The following PPP4R4 variants were observed in gnomAD, a reference collection of about 807,000 sequenced individuals.
PPP4R4 encodes protein phosphatase 4 regulatory subunit 4, also known as serine/threonine-protein phosphatase 4 regulatory subunit 4.
Under a neutral mutation model 121.8 loss-of-function variants are expected in PPP4R4, and 70 were observed. The ratio of observed to expected loss-of-function variants is 0.57; its 90% CI spans 0.47 to 0.70. The LOEUF (loss-of-function observed/expected upper bound fraction) is 0.70. Ranked by LOEUF, PPP4R4 falls within the 30% of genes least tolerant of loss-of-function variation. The pLI is 0.00. For synonymous variants in PPP4R4, 348 were observed against 355.7 expected (o/e 0.98, Z 0.24); for missense variants, 875 against 1,033.6 (o/e 0.85, Z 2.10).
At position 94,242,542 on chromosome 14, in the gene PPP4R4, A is replaced by C. The variant is rs567746382; in HGVS notation, c.1266+134A>C. The C allele has an allele frequency of 4.4e-6, 4 of 905,538 alleles. No individual in the cohort carries two copies. In the East Asian group the frequency reaches 8.3e-5, roughly 19 times the overall value. The allele number at this position is 905,538 out of a possible 1,614,324, so 56.1% of individuals were successfully genotyped here. ...ATGTTCTAGTCTTAAATCTTGTTTA[A>C]AAATTTCCTTAATTTTCTTCTTTTT... On this transcript the variant is annotated intron_variant, in intron 11 of 24. Coordinates refer to ENST00000304338, the MANE Select transcript of PPP4R4 (RefSeq NM_058237.2).
chr14:94,227,530 C>G (rs1469565615), intron 3 of PPP4R4: 5 of 1,324,658 alleles, frequency 3.8e-6, no homozygotes, highest in Admixed American at 3.6e-5. Flanking sequence ...GAGAAAAACC[C>G]AAATCCTGAT....
chr14:94,240,941 G>A (rs973436481), intron 9 of PPP4R4, 146 bp downstream of exon 9: 29 of 1,079,928 alleles, frequency 2.7e-5, no homozygotes, highest in Non-Finnish European at 3.4e-5. Context: ...AATTTTGATA[G>A]CATCATTTAG....
chr14:94,268,693 G>A (rs946902160), intron 23 of PPP4R4, among the ~76,000 whole-genome samples: 2 of 152,144 alleles, frequency 1.3e-5, no homozygotes, highest in South Asian at 2.1e-4. Flanking sequence ...AAAGCAAGAC[G>A]TGTCTTACAT....
At chr14:94,180,718 T>A (rs1177689608) in intron 2 of PPP4R4, among the ~76,000 whole-genome samples, 1 of 151,626 alleles carries the variant, frequency 6.6e-6, no homozygotes, top group Non-Finnish European at 1.5e-5. Context: ...GCTAAAATGA[T>A]CCTCCCACCT....
rs1890380436 is a variant in PPP4R4, at chr14:94,204,930, A to C, written c.192-3534A>C. Among the ~76,000 whole-genome samples, 3 of 152,190 alleles carry C rather than the reference A, an allele frequency of 2.0e-5. No homozygotes were observed. The South Asian group carries it at 6.2e-4, about 31-fold the overall frequency. On this transcript the variant is annotated intron_variant, in intron 2 of 24. Transcript: ENST00000304338. ...TTAGCCTGTTAATGTGATGGAGTAC[A>C]TTGATTTTTAATATTGAACCAGCGT...
At chr14:94,198,222 G>C (rs1392570217) in intron 2 of PPP4R4, among the ~76,000 whole-genome samples, 1 of 152,070 alleles carries the variant, frequency 6.6e-6, no homozygotes, top group Non-Finnish European at 1.5e-5. Flanking sequence ...TATAATTTTA[G>C]TTATTTTAGT....
chr14:94,278,667 A>C lies in PPP4R4; in HGVS notation c.*24A>C, dbSNP rs1260911447. ...AAATCAACTGCTTGATGAAGGAGGC[A>C]AAACAAAGGCAGCAGGAGATAATGT... On this transcript the variant is annotated 3_prime_UTR_variant, in exon 25 of 25. Coordinates refer to ENST00000304338, the MANE Select transcript of PPP4R4 (RefSeq NM_058237.2). The C allele has an allele frequency of 6.4e-7, 1 of 1,558,386 alleles. No individual in the cohort carries two copies.
intron 24 of PPP4R4, among the ~76,000 whole-genome samples, chr14:94,278,367 CTA>C (rs2139679636): frequency 6.6e-6 from 1 of 152,102 alleles, no homozygotes; most frequent in South Asian, 2.1e-4. Context: ...AAATTGAATG[CTA>C]TGTTATATAT....
Position 94,233,739 on chromosome 14 carries a change from C to A in PPP4R4, c.603C>A (p.Thr201=). Residue 201 remains threonine, a synonymous_variant, in exon 6 of 25, where the codon ACC becomes ACA. Coordinates refer to ENST00000304338, the MANE Select transcript of PPP4R4 (RefSeq NM_058237.2). ...LVSCKILGKL[T]NKFDAHTIKR... is the part of the protein sequence containing the mutation. Reference sequence around the variant, plus strand: ...GTTGTAAAATTTTAGGAAAATTGACCAACAAATTTGATGCCCACACGTGAG... The same window carrying A: ...GTTGTAAAATTTTAGGAAAATTGACAAACAAATTTGATGCCCACACGTGAG... The A allele has an allele frequency of 6.3e-7, 1 of 1,584,792 alleles. No individual in the cohort carries two copies. Among genetic ancestry groups the A allele is most frequent in the Non-Finnish European group, 8.7e-7 (1 of 1,155,428 alleles).
At chr14:94,276,096 G>A (rs2139673800) in intron 24 of PPP4R4, among the ~76,000 whole-genome samples, 1 of 152,218 alleles carries the variant, frequency 6.6e-6, no homozygotes, top group East Asian at 1.9e-4. Flanking sequence ...ATATTTAAGA[G>A]AGGGGTACCA....
chr14:94,175,858 C>G (rs908065122), intron 1 of PPP4R4, 196 bp from the exon 2 acceptor site: 21 of 574,716 alleles, frequency 3.7e-5, no homozygotes, highest in African/African-American at 3.4e-4. Context: ...CCTCCCCAAA[C>G]TCCCCAAACC....
intron 19 of PPP4R4, among the ~76,000 whole-genome samples, chr14:94,262,445 G>C (rs1284831326): frequency 3.3e-5 from 5 of 151,150 alleles, no homozygotes; most frequent in African/African-American, 1.2e-4. Context: ...AATTTTTTTT[G>C]CTTGTTTCTC....
intron 2 of PPP4R4, among the ~76,000 whole-genome samples, chr14:94,184,321 C>T (rs896380393): frequency 5.9e-5 from 9 of 151,918 alleles, no homozygotes; most frequent in Admixed American, 3.9e-4. Context: ...TGCAGTGGTG[C>T]GATCACAGCT....
In PPP4R4 at chr14:94,196,160, C is replaced by CTT. The variant is rs5810662; in HGVS notation, c.192-12290_192-12289dup. On this transcript the variant is annotated intron_variant, in intron 2 of 24. Coordinates refer to ENST00000304338, the MANE Select transcript of PPP4R4 (RefSeq NM_058237.2). ...AGGTTTGTGGTATGTGCTTTTGAATCTTTTTTTTTTTTTTTGACTTAAAAA... is the reference window on the plus strand; with the variant it reads ...AGGTTTGTGGTATGTGCTTTTGAATCTTTTTTTTTTTTTTTTTGACTTAAAAA... Among the ~76,000 whole-genome samples the CTT allele has an allele frequency of 1.7e-3, 233 of 136,848 alleles. 2 individuals are homozygous for CTT. Among genetic ancestry groups the CTT allele is most frequent in the Middle Eastern group, 0.015 (4 of 262 alleles). The allele number at this position is 136,848 out of a possible 152,430, so 89.8% of individuals were successfully genotyped here. A position where few individuals can be genotyped will look rare whatever the true frequency, so the allele number is the denominator to read the frequency against.
chr14:94,199,116 T>C (rs532745295), intron 2 of PPP4R4, among the ~76,000 whole-genome samples: 4 of 152,390 alleles, frequency 2.6e-5, no homozygotes, highest in Middle Eastern at 6.8e-3. Flanking sequence ...ATTTGTGAGA[T>C]TGACATCTTA....
In PPP4R4 at chr14:94,242,285, C is replaced by T; in HGVS notation, c.1147-4C>T. The T allele has an allele frequency of 6.2e-7, 1 of 1,611,384 alleles. No homozygotes were observed. Among genetic ancestry groups the T allele is most frequent in the Non-Finnish European group, 8.5e-7 (1 of 1,177,928 alleles). ...ACTCATCTCCTCCCTTCCACCTCCA[C>T]CAGGCCATGATTGTTTTTGTTGATC... On this transcript the variant is annotated splice_region_variant and splice_polypyrimidine_tract_variant and intron_variant, in intron 10 of 24. Transcript: ENST00000304338.
chr14:94,242,325 A>C lies in PPP4R4; in HGVS notation c.1183A>C (p.Met395Leu), dbSNP rs1892677472. The C allele has an allele frequency of 1.9e-6, 3 of 1,609,770 alleles. No individual in the cohort carries two copies. The highest frequency in any genetic ancestry group is 1.7e-5 in the Admixed American group (1 of 59,948). The stretch of plus-strand genomic sequence containing the variant: ...TTTTGTTGATCCTAAAAACTTCCAC[A>C]TGGAACTCTATTCTACATTCTTCTG... ...IVFVDPKNFH[M>L]ELYSTFFCLC... is the part of the protein sequence containing the mutation. Residue 395 changes from methionine (M) to leucine (L), a missense_variant, in exon 11 of 25, where the codon ATG becomes CTG. Physicochemically the swap from Met to Leu is conservative, Grantham distance 15 (BLOSUM62 2). Coordinates refer to ENST00000304338, the MANE Select transcript of PPP4R4 (RefSeq NM_058237.2).
Position 94,233,705 on chromosome 14 carries a change from G to A in PPP4R4, c.569G>A (p.Arg190His), listed in dbSNP as rs1414605850. ...KAQLSQTVQS[R>H]LVSCKILGKL... ...CAACTTTCCCAAACAGTCCAGTCTC[G>A]TTTAGTTAGTTGTAAAATTTTAGGA... The change falls in exon 6 of 25, where the codon CGT (arginine) becomes CAT (histidine). Residue 190 changes from arginine (R) to histidine (H), a missense_variant. Physicochemically the swap from Arg to His is conservative, Grantham distance 29. Coordinates refer to ENST00000304338, the MANE Select transcript of PPP4R4 (RefSeq NM_058237.2). 15 of 1,605,672 alleles carry A rather than the reference G, an allele frequency of 9.3e-6. No homozygotes were observed. The highest frequency in any genetic ancestry group is 6.8e-5 in the Admixed American group (4 of 59,248).
At chr14:94,231,666 C>A (rs1892045720) in intron 5 of PPP4R4, among the ~76,000 whole-genome samples, 2 of 152,004 alleles carry the variant, frequency 1.3e-5, no homozygotes, top group African/African-American at 4.8e-5. Flanking sequence ...ATAGTAGCTG[C>A]AGAATATTTT....
Sources: gnomAD v4.1 joint callset for allele counts (sites outside exome capture counted in the v4.1 genomes callset) on GRCh38, gnomAD v4.1.1 for gene constraint, MANE v1.5 for transcripts, NCBI Gene and HGNC (gene_info 2026-07-23, HGNC 2026-07-21) for gene names.